The following MEIS1 variants were observed in gnomAD, a reference collection of about 807,000 sequenced individuals.
MEIS1 encodes the protein homeobox protein Meis1.
A neutral mutation model predicts 50.8 loss-of-function variants in MEIS1; 5 were observed. The ratio of observed to expected loss-of-function variants is 0.10; its 90% CI spans 0.05 to 0.21. The LOEUF (loss-of-function observed/expected upper bound fraction) is 0.21, where lower values mean the gene tolerates loss of function less well. MEIS1 is among the 10% of genes least tolerant of loss of function. The pLI, the probability that MEIS1 is intolerant of heterozygous loss-of-function variation, is 1.00. For synonymous variants in MEIS1, 176 were observed against 179.3 expected (o/e 0.98, Z 0.15); for missense variants, 318 against 517.3 (o/e 0.61, Z 3.74).
At chr2:66,445,373 C>A (rs1419048596) in intron 6 of MEIS1, 1 of 152,422 alleles carries the variant, frequency 6.6e-6, no homozygotes, top group Non-Finnish European at 1.5e-5. Context: ...GCTCCACTGC[C>A]CTGGGGAGCT....
chr2:66,529,844 A>G (rs3891585), intron 8 of MEIS1, among the ~76,000 whole-genome samples: 93,752 of 152,010 alleles, frequency 0.62, 29,285 homozygotes, highest in East Asian at 0.81. Flanking sequence ...GAATTCAGCT[A>G]TCTTTCCTGG....
intron 6 of MEIS1, among the ~76,000 whole-genome samples, chr2:66,460,424 A>G (rs1672491759): frequency 6.6e-6 from 1 of 152,228 alleles, no homozygotes; most frequent in Non-Finnish European, 1.5e-5. Context: ...AAGAAACGAT[A>G]GAAGAAAATG....
chr2:66,553,953 A>C (rs1261551375), intron 9 of MEIS1, among the ~76,000 whole-genome samples: 1 of 152,168 alleles, frequency 6.6e-6, no homozygotes, highest in Non-Finnish European at 1.5e-5. Flanking sequence ...ATGAAGGTCT[A>C]GGATGTAGGA....
At chr2:66,499,989 C>G (rs1250935739) in intron 7 of MEIS1, among the ~76,000 whole-genome samples, 1 of 152,080 alleles carries the variant, frequency 6.6e-6, no homozygotes, top group East Asian at 1.9e-4. Flanking sequence ...GCTAAAAGGG[C>G]CTTGTGTGCA....
At chr2:66,502,797 G>T (rs1673588459) in intron 7 of MEIS1, among the ~76,000 whole-genome samples, 1 of 152,162 alleles carries the variant, frequency 6.6e-6, no homozygotes, top group Non-Finnish European at 1.5e-5. Flanking sequence ...CATTTTTCTA[G>T]ACTGGCTCTG....
intron 10 of MEIS1, 169 bp from the exon 11 acceptor site, chr2:66,568,498 G>A (rs1014397172): frequency 1.9e-6 from 1 of 534,696 alleles, no homozygotes; most frequent in African/African-American, 1.9e-5. Context: ...CAGTCACAGA[G>A]GTGTGTAGAT....
chr2:66,488,760 C>T (rs576049680), intron 7 of MEIS1, among the ~76,000 whole-genome samples: 1 of 152,274 alleles, frequency 6.6e-6, no homozygotes, highest in South Asian at 2.1e-4. Flanking sequence ...CTGTTGATAA[C>T]AAGGTGAATA....
chr2:66,557,147 C>A (rs1675087107), intron 9 of MEIS1, among the ~76,000 whole-genome samples: 1 of 151,964 alleles, frequency 6.6e-6, no homozygotes, highest in Non-Finnish European at 1.5e-5. Flanking sequence ...AAGTAAAAAT[C>A]CTGGGAGGGA....
At chr2:66,458,713 T>C (rs1164131723) in intron 6 of MEIS1, among the ~76,000 whole-genome samples, 1 of 152,202 alleles carries the variant, frequency 6.6e-6, no homozygotes, top group Non-Finnish European at 1.5e-5. Context: ...AAATTTTCTT[T>C]CTTTTGACTG....
intron 8 of MEIS1, among the ~76,000 whole-genome samples, chr2:66,513,349 G>T (rs1046032645): frequency 5.3e-5 from 8 of 151,986 alleles, no homozygotes; most frequent in African/African-American, 1.9e-4. Context: ...AAATATTAAA[G>T]TTAATCTTGC....
chr2:66,563,842 AAG>A (rs1675275132), intron 9 of MEIS1, among the ~76,000 whole-genome samples: 1 of 152,182 alleles, frequency 6.6e-6, no homozygotes, highest in African/African-American at 2.4e-5. Context: ...CATAATTCCA[AAG>A]AGAGAGGATG....
At chr2:66,503,429 C>T (rs950186069) in intron 7 of MEIS1, among the ~76,000 whole-genome samples, 4 of 152,146 alleles carry the variant, frequency 2.6e-5, no homozygotes, top group South Asian at 4.1e-4. Flanking sequence ...GACTTTTCTC[C>T]GCCCTTTAGA....
intron 7 of MEIS1, among the ~76,000 whole-genome samples, chr2:66,484,483 G>T (rs1367716702): frequency 6.6e-6 from 1 of 151,914 alleles, no homozygotes; most frequent in Non-Finnish European, 1.5e-5. Flanking sequence ...AGGGATTATA[G>T]GTGGTTTTCT....
chr2:66,443,321 T>C (rs988250606), intron 6 of MEIS1: 31 of 402,874 alleles, frequency 7.7e-5, no homozygotes, highest in African/African-American at 6.0e-4. Flanking sequence ...TTATTTTATT[T>C]ACCCTCTATA....
intron 7 of MEIS1, among the ~76,000 whole-genome samples, chr2:66,495,161 A>G (rs1673371718): frequency 6.9e-6 from 1 of 144,394 alleles, no homozygotes; most frequent in African/African-American, 2.6e-5. Flanking sequence ...ATGATCACTC[A>G]GGCCAGTTTT....
chr2:66,486,512 A>G (rs1283213985), intron 7 of MEIS1, among the ~76,000 whole-genome samples: 1 of 152,184 alleles, frequency 6.6e-6, no homozygotes, highest in Non-Finnish European at 1.5e-5. Flanking sequence ...CTTGTAGCAT[A>G]GTTTGAAGTC....
intron 8 of MEIS1, among the ~76,000 whole-genome samples, chr2:66,546,631 T>C (rs1674798057): frequency 6.6e-6 from 1 of 152,220 alleles, no homozygotes; most frequent in Non-Finnish European, 1.5e-5. Context: ...ATAATGGGGA[T>C]TAATTACCAT....
Position 66,435,595 on chromosome 2 carries a change from G to T in MEIS1, c.-262G>T, listed in dbSNP as rs888041664. 1.3e-5 allele frequency: 5 copies of T among 391,320 alleles called. No individual in the cohort carries two copies. In the East Asian group the frequency reaches 1.5e-4, roughly 12 times the overall value. 24.2% of individuals were successfully genotyped at this position (391,320 alleles called of 1,614,324 possible). A position where few individuals can be genotyped will look rare whatever the true frequency, so the allele number is the denominator to read the frequency against. Reference sequence around the variant, plus strand: ...TTAAACTGATTTTTGGGGGAGAGAAGATCTGCTTTTTTTTGCCCCCGCTGC... The same window carrying T: ...TTAAACTGATTTTTGGGGGAGAGAATATCTGCTTTTTTTTGCCCCCGCTGC... On this transcript the variant is annotated 5_prime_UTR_variant, in exon 1 of 13. Coordinates refer to ENST00000272369, the MANE Select transcript of MEIS1 (RefSeq NM_002398.3).
Position 66,507,266 on chromosome 2 carries a change from G to T in MEIS1, c.743-4883G>T, listed in dbSNP as rs536584262. Among the ~76,000 whole-genome samples, 24 of 152,198 alleles carry T rather than the reference G, an allele frequency of 1.6e-4. No individual in the cohort carries two copies. The South Asian group carries it at 4.0e-3, about 25-fold the overall frequency. On this transcript the variant is annotated intron_variant, in intron 7 of 12. Coordinates refer to ENST00000272369, the MANE Select transcript of MEIS1 (RefSeq NM_002398.3). ...GATTTTTGAGTCTAGGTACGTTTTG[G>T]GATTAAACACTGTTCCTAAACACTG...
Sources: gnomAD v4.1 joint callset for allele counts (sites outside exome capture counted in the v4.1 genomes callset) on GRCh38, gnomAD v4.1.1 for gene constraint, MANE v1.5 for transcripts, NCBI Gene and HGNC (gene_info 2026-07-23, HGNC 2026-07-21) for gene names.